ITPK1: variants seen among roughly 807,000 people sequenced by gnomAD.
The protein encoded by ITPK1 is inositol-tetrakisphosphate 1-kinase, also known as inositol 1,3,4-trisphosphate 5/6-kinase.
ITPK1 carries 21 observed loss-of-function variants against 45.3 expected under a neutral mutation model. The ratio of observed to expected loss-of-function variants is 0.46; its 90% confidence interval spans 0.33 to 0.67. ITPK1 has a LOEUF of 0.67. ITPK1 is among the 30% of genes least tolerant of loss of function. The probability of loss-of-function intolerance (pLI) is 0.02; values close to 1 mark genes in which losing one functional copy is unlikely to be tolerated. For missense variants in ITPK1, 474 were observed against 573.5 expected (o/e 0.83, Z 1.77); for synonymous variants, 258 against 253.6 (o/e 1.02, Z -0.16).
In ITPK1 at chr14:92,940,688, C is replaced by T. The variant is rs1316812607; in HGVS notation, c.*873G>A. On this transcript the variant is annotated 3_prime_UTR_variant, in exon 11 of 11. Transcript: ENST00000267615. ...AGGGCACAAAGCCAGCCCTGTGGTGCTCTCTGATCTCAAATGTCCACTAGA... is the reference window on the plus strand; with the variant it reads ...AGGGCACAAAGCCAGCCCTGTGGTGTTCTCTGATCTCAAATGTCCACTAGA... 1 of 1,283,282 alleles carries T rather than the reference C, an allele frequency of 7.8e-7. No individual in the cohort carries two copies. Among genetic ancestry groups the T allele is most frequent in the Non-Finnish European group, 1.0e-6 (1 of 985,990 alleles). 79.5% of individuals were successfully genotyped at this position (1,283,282 alleles called of 1,614,324 possible).
At chr14:93,056,153 G>T (rs1329476384) in intron 3 of ITPK1, among the ~76,000 whole-genome samples, 2 of 152,232 alleles carry the variant, frequency 1.3e-5, no homozygotes, top group African/African-American at 2.4e-5. Flanking sequence ...TGTGAGTAGA[G>T]ACTGGTGTGT....
chr14:93,049,005 T>C (rs572348066), intron 3 of ITPK1, among the ~76,000 whole-genome samples: 4 of 152,156 alleles, frequency 2.6e-5, no homozygotes, highest in South Asian at 4.2e-4. Context: ...GCACATAACA[T>C]GGGCACCCCC....
chr14:93,061,671 T>A lies in ITPK1; in HGVS notation c.120+14924A>T, dbSNP rs560977562. Among the ~76,000 whole-genome samples, 10 of 152,308 alleles carry A rather than the reference T, an allele frequency of 6.6e-5. 1 individual carries two copies. The South Asian group carries it at 2.1e-3, about 32-fold the overall frequency. On this transcript the variant is annotated intron_variant, in intron 3 of 10. Transcript: ENST00000267615. ...GGGGTTTGTTTATTTCACCAAGAAGTACATATTCCTCCTACAGACTACAAA... is the reference window on the plus strand; with the variant it reads ...GGGGTTTGTTTATTTCACCAAGAAGAACATATTCCTCCTACAGACTACAAA...
At chr14:93,099,619 C>T (rs544167829) in intron 2 of ITPK1, among the ~76,000 whole-genome samples, 138 of 152,262 alleles carry the variant, frequency 9.1e-4, no homozygotes, top group Middle Eastern at 3.4e-3. Flanking sequence ...TCGGGCTGGC[C>T]GTGGGAATAA....
chr14:92,990,544 A>C (rs1886729714), intron 5 of ITPK1, among the ~76,000 whole-genome samples: 1 of 152,216 alleles, frequency 6.6e-6, no homozygotes. Context: ...GGTGGGTTTG[A>C]AGCTGCCAGA....
In ITPK1 at chr14:92,941,522, C is replaced by T. The variant is rs1462675671; in HGVS notation, c.*39G>A. On this transcript the variant is annotated 3_prime_UTR_variant, in exon 11 of 11. Transcript: ENST00000267615. ...GAGCTGCTGGCCCAGCGGGTGTGCT[C>T]TGCGCCCTGCGCTGCCCCTCTGGGT... The T allele has an allele frequency of 1.3e-6, 2 of 1,499,082 alleles. No individual in the cohort carries two copies. The highest frequency in any genetic ancestry group is 8.8e-7 in the Non-Finnish European group (1 of 1,132,734). 92.9% of individuals were successfully genotyped at this position (1,499,082 alleles called of 1,614,324 possible). A position where few individuals can be genotyped will look rare whatever the true frequency, so the allele number is the denominator to read the frequency against.
Position 92,941,323 on chromosome 14 carries a change from T to A in ITPK1, c.*238A>T. 1 of 1,406,058 alleles carries A rather than the reference T, an allele frequency of 7.1e-7. No individual in the cohort carries two copies. The highest frequency in any genetic ancestry group is 9.2e-7 in the Non-Finnish European group (1 of 1,087,570). 87.1% of individuals were successfully genotyped at this position (1,406,058 alleles called of 1,614,324 possible). On this transcript the variant is annotated 3_prime_UTR_variant, in exon 11 of 11. Coordinates refer to ENST00000267615, the MANE Select transcript of ITPK1 (RefSeq NM_014216.6). Reference sequence around the variant, plus strand: ...AGCGTGTGTAAACTCAGTTAGGAGGTCTGCACAGTAGAGAGCAGGCGGACG... The same window carrying A: ...AGCGTGTGTAAACTCAGTTAGGAGGACTGCACAGTAGAGAGCAGGCGGACG...
At chr14:93,110,889 C>G (rs1175268177) in intron 2 of ITPK1, among the ~76,000 whole-genome samples, 5 of 152,162 alleles carry the variant, frequency 3.3e-5, no homozygotes, top group African/African-American at 1.2e-4. Context: ...AAGCCACATT[C>G]TCAGCGCAAA....
intron 2 of ITPK1, among the ~76,000 whole-genome samples, chr14:93,084,255 G>A (rs1198295533): frequency 6.6e-6 from 1 of 152,244 alleles, no homozygotes; most frequent in Non-Finnish European, 1.5e-5. Context: ...AACTGATGAA[G>A]AGGACCTCCA....
Position 92,938,270 on chromosome 14 carries a change from G to A in ITPK1, c.*3291C>T. 1.7e-6 allele frequency: 1 copy of A among 604,450 alleles called. No homozygotes were observed. The highest frequency in any genetic ancestry group is 2.8e-5 in the East Asian group (1 of 36,164). The allele number at this position is 604,450 out of a possible 1,614,324, so 37.4% of individuals were successfully genotyped here. A position where few individuals can be genotyped will look rare whatever the true frequency, so the allele number is the denominator to read the frequency against. On this transcript the variant is annotated 3_prime_UTR_variant, in exon 11 of 11. Transcript: ENST00000267615. Reference sequence around the variant, plus strand: ...GCCATGCCCGGCCAGAGTTTCTAGGGAATAGAAGAGAGGGCAGATACAGAC... The same window carrying A: ...GCCATGCCCGGCCAGAGTTTCTAGGAAATAGAAGAGAGGGCAGATACAGAC...
chr14:93,010,701 A>G (rs1180581921), intron 4 of ITPK1, among the ~76,000 whole-genome samples: 1 of 152,262 alleles, frequency 6.6e-6, no homozygotes, highest in African/African-American at 2.4e-5. Flanking sequence ...TAAGGCTGAC[A>G]GAGTAGTCCT....
At chr14:93,030,783 T>C (rs951934468) in intron 3 of ITPK1, among the ~76,000 whole-genome samples, 7 of 152,166 alleles carry the variant, frequency 4.6e-5, no homozygotes, top group African/African-American at 1.7e-4. Context: ...GGTTAGGAAA[T>C]GGGGTCTTTG....
intron 2 of ITPK1, among the ~76,000 whole-genome samples, chr14:93,102,410 G>A (rs1472858092): frequency 6.6e-6 from 1 of 152,284 alleles, no homozygotes; most frequent in Non-Finnish European, 1.5e-5. Context: ...AAGGCCTCTA[G>A]TGGCAAGGCC....
At chr14:93,025,686 T>G (rs1888700871) in intron 3 of ITPK1, among the ~76,000 whole-genome samples, 1 of 152,244 alleles carries the variant, frequency 6.6e-6, no homozygotes, top group African/African-American at 2.4e-5. Context: ...ATCACAATGA[T>G]TTCGTTTGGT....
At chr14:92,972,172 A>G (rs1885695154) in intron 5 of ITPK1, among the ~76,000 whole-genome samples, 1 of 152,230 alleles carries the variant, frequency 6.6e-6, no homozygotes. Context: ...AGTGAAGCCC[A>G]CAGCCTTTCC....
intron 7 of ITPK1, among the ~76,000 whole-genome samples, chr14:92,959,379 G>T (rs887098143): frequency 6.6e-6 from 1 of 152,270 alleles, no homozygotes; most frequent in Non-Finnish European, 1.5e-5. Flanking sequence ...GCCACCCCTT[G>T]TGTCAGCTGT....
intron 2 of ITPK1, among the ~76,000 whole-genome samples, chr14:93,077,293 G>A (rs957521048): frequency 6.6e-6 from 1 of 152,094 alleles, no homozygotes; most frequent in Non-Finnish European, 1.5e-5. Flanking sequence ...AAGGCTTTCT[G>A]TTGACTCCTA....
At chr14:93,048,947 T>C (rs1443073214) in intron 3 of ITPK1, among the ~76,000 whole-genome samples, 1 of 151,826 alleles carries the variant, frequency 6.6e-6, no homozygotes, top group African/African-American at 2.4e-5. Context: ...AGACTCTGTC[T>C]CAAAAAAAAG....
chr14:92,951,494 T>C (rs746220820), intron 9 of ITPK1, among the ~76,000 whole-genome samples: 5 of 152,180 alleles, frequency 3.3e-5, no homozygotes, highest in African/African-American at 1.2e-4. Context: ...GAACGCCCGT[T>C]ACCCATAGTG....
Sources: allele counts gnomAD v4.1 joint callset (sites outside exome capture counted in the v4.1 genomes callset), GRCh38; gene constraint gnomAD v4.1.1; transcripts MANE v1.5; gene names NCBI Gene and HGNC (gene_info 2026-07-23, HGNC 2026-07-21).